The following MARCHF1 variants were observed in gnomAD, a reference collection of about 807,000 sequenced individuals.
MARCHF1 encodes E3 ubiquitin-protein ligase MARCHF1.
MARCHF1 carries 40 observed loss-of-function variants against 54.2 expected under a neutral mutation model. The ratio of observed to expected loss-of-function variants is 0.74; its 90% CI spans 0.57 to 0.96. MARCHF1 has a LOEUF of 0.96. Among genes scored for constraint, MARCHF1 ranks in the 40% least tolerant of loss-of-function variants. The pLI is 0.00. For synonymous variants in MARCHF1, 236 were observed against 236.3 expected (o/e 1.00, Z 0.01); for missense variants, 586 against 656.5 (o/e 0.89, Z 1.17).
Position 164,356,828 on chromosome 4 carries a change from T to G in MARCHF1, c.-323+27042A>C, listed in dbSNP as rs187066898. 1.7e-3 allele frequency among the ~76,000 whole-genome samples: 256 copies of G among 148,124 alleles called. 2 individuals carry two copies. The highest frequency in any genetic ancestry group is 2.4e-3 in the South Asian group (11 of 4,582). ...TTAACACTTTTGTCCATTGTATTAG[T>G]TCTCTATTACTGCACAAATCAGAAA... On this transcript the variant is annotated intron_variant, in intron 1 of 9. Coordinates refer to ENST00000514618, the MANE Select transcript of MARCHF1 (RefSeq NM_001394959.1).
At chr4:163,745,201 T>G (rs1746321959) in intron 4 of MARCHF1, among the ~76,000 whole-genome samples, 1 of 151,778 alleles carries the variant, frequency 6.6e-6, no homozygotes, top group African/African-American at 2.4e-5. Context: ...CAACCTCTGT[T>G]TTTTGGGTTC....
chr4:164,313,106 A>T (rs1286952357), intron 1 of MARCHF1, among the ~76,000 whole-genome samples: 1 of 151,236 alleles, frequency 6.6e-6, no homozygotes, highest in Non-Finnish European at 1.5e-5. Context: ...TGGGAAGCCA[A>T]GGTGGGCACA....
rs534984500 is a variant in MARCHF1 at position 163,968,195 on chromosome 4, T to G, written c.-39+20306A>C. On this transcript the variant is annotated intron_variant, in intron 3 of 9. Transcript: ENST00000514618. ...TATCCATCTCCGTGAGAACCTTGGT[T>G]TGCAGATAGCCTCTTGTTTGCTCAT... 1.1e-4 allele frequency among the ~76,000 whole-genome samples: 17 copies of G among 152,028 alleles called. No homozygotes were observed. The East Asian group carries it at 3.3e-3, about 29-fold the overall frequency.
chr4:163,628,970 A>T (rs143201452), intron 5 of MARCHF1, among the ~76,000 whole-genome samples: 3,173 of 152,340 alleles, frequency 0.021, 44 homozygotes, highest in Non-Finnish European at 0.033. Flanking sequence ...AAATGGCCAT[A>T]CTGCCCAAAG....
At chr4:163,574,743 T>C (rs1739978537) in intron 8 of MARCHF1, among the ~76,000 whole-genome samples, 1 of 152,090 alleles carries the variant, frequency 6.6e-6, no homozygotes, top group South Asian at 2.1e-4. Flanking sequence ...AGAAGTCAGG[T>C]AGTGTGATGC....
At position 163,856,573 on chromosome 4, in the gene MARCHF1, A is replaced by G. The variant is rs543036203; in HGVS notation, c.-38-2404T>C. On this transcript the variant is annotated intron_variant, in intron 3 of 9. Transcript: ENST00000514618. ...TGAAAACAATAAAAATGCCTGTGATAGTTGCATTTCTACATCTGGACATTC... is the reference window on the plus strand; with the variant it reads ...TGAAAACAATAAAAATGCCTGTGATGGTTGCATTTCTACATCTGGACATTC... Among the ~76,000 whole-genome samples the G allele has an allele frequency of 3.9e-4, 59 of 152,328 alleles. 1 individual carries two copies. In the South Asian group the frequency reaches 0.012, roughly 31 times the overall value.
intron 4 of MARCHF1, among the ~76,000 whole-genome samples, chr4:163,775,468 A>C (rs911188484): frequency 6.6e-6 from 1 of 152,084 alleles, no homozygotes; most frequent in African/African-American, 2.4e-5. Context: ...AGTTATTTTA[A>C]TATTGTTGAG....
At chr4:164,178,816 AT>A (rs1216423625) in intron 1 of MARCHF1, among the ~76,000 whole-genome samples, 1 of 152,196 alleles carries the variant, frequency 6.6e-6, no homozygotes, top group Admixed American at 6.5e-5. Context: ...GAGCTTAAAA[AT>A]AAAAATATAA....
At chr4:164,054,013 G>T (rs943357955) in intron 2 of MARCHF1, among the ~76,000 whole-genome samples, 8 of 151,914 alleles carry the variant, frequency 5.3e-5, no homozygotes, top group Non-Finnish European at 1.0e-4. Context: ...GAAAATTTTC[G>T]CAACCTACTC....
chr4:164,351,060 T>TA (rs1406243761), intron 1 of MARCHF1, among the ~76,000 whole-genome samples: 2 of 152,252 alleles, frequency 1.3e-5, no homozygotes, highest in Non-Finnish European at 2.9e-5. Context: ...CAGACCAGCT[T>TA]AAAAAACGGC....
intron 5 of MARCHF1, among the ~76,000 whole-genome samples, chr4:163,687,868 G>T (rs1386260012): frequency 1.3e-5 from 2 of 152,174 alleles, no homozygotes; most frequent in Admixed American, 6.5e-5. Flanking sequence ...AGCTTTGGCT[G>T]TAAATTTTAA....
chr4:164,362,558 T>C (rs1730753150), intron 1 of MARCHF1, among the ~76,000 whole-genome samples: 1 of 152,142 alleles, frequency 6.6e-6, no homozygotes, highest in Non-Finnish European at 1.5e-5. Context: ...AGCCACGTTT[T>C]ACTACCAAGA....
rs546799077 is a variant in MARCHF1 at position 163,955,333 on chromosome 4, G to C, written c.-39+33168C>G. ...AGCTCTCTCACATAATAGAGGATAG[G>C]ATCTGCTTTGAGGGAAAAAAAAAAC... On this transcript the variant is annotated intron_variant, in intron 3 of 9. Coordinates refer to ENST00000514618, the MANE Select transcript of MARCHF1 (RefSeq NM_001394959.1). Among the ~76,000 whole-genome samples the C allele has an allele frequency of 5.0e-4, 70 of 141,264 alleles. 1 individual carries two copies. The highest frequency in any genetic ancestry group is 1.8e-3 in the African/African-American group (69 of 37,644). The allele number at this position is 141,264 out of a possible 152,430, so 92.7% of individuals were successfully genotyped here. A position where few individuals can be genotyped will look rare whatever the true frequency, so the allele number is the denominator to read the frequency against.
At chr4:163,678,341 C>T (rs547092659) in intron 5 of MARCHF1, among the ~76,000 whole-genome samples, 2 of 152,308 alleles carry the variant, frequency 1.3e-5, no homozygotes, top group Admixed American at 1.3e-4. Flanking sequence ...TCTGTTCTGC[C>T]TCTTGCATAG....
At chr4:163,832,934 G>A (rs1749072999) in intron 4 of MARCHF1, among the ~76,000 whole-genome samples, 1 of 152,034 alleles carries the variant, frequency 6.6e-6, no homozygotes, top group South Asian at 2.1e-4. Context: ...CATTTTTTAA[G>A]GCTGCATAGT....
intron 5 of MARCHF1, among the ~76,000 whole-genome samples, chr4:163,659,207 T>G (rs1743257173): frequency 6.6e-6 from 1 of 152,098 alleles, no homozygotes; most frequent in East Asian, 1.9e-4. Context: ...TTCCTAAATC[T>G]AAGGATTCAT....
intron 2 of MARCHF1, among the ~76,000 whole-genome samples, chr4:164,088,001 A>G (rs1266697008): frequency 6.6e-6 from 1 of 152,182 alleles, no homozygotes; most frequent in African/African-American, 2.4e-5. Context: ...TTGAGATATG[A>G]CATAAAAATG....
rs554416400 is a variant in MARCHF1 at position 164,065,116 on chromosome 4, T to G, written c.-248+46472A>C. 4.6e-5 allele frequency among the ~76,000 whole-genome samples: 7 copies of G among 152,330 alleles called. No homozygotes were observed. In the South Asian group the frequency reaches 1.0e-3, roughly 23 times the overall value. On this transcript the variant is annotated intron_variant, in intron 2 of 9. Coordinates refer to ENST00000514618, the MANE Select transcript of MARCHF1 (RefSeq NM_001394959.1). ...GAATACTGACCTGAGGTTTTCTTTT[T>G]TTGTTGTATCTCTGCCTGGTTTTGG...
chr4:164,160,191 T>A (rs1304760827), intron 1 of MARCHF1, among the ~76,000 whole-genome samples: 1 of 152,200 alleles, frequency 6.6e-6, no homozygotes, highest in Admixed American at 6.6e-5. Context: ...GATGGGGATA[T>A]GTTCTGAGAA....
Sources: allele counts gnomAD v4.1 joint callset (sites outside exome capture counted in the v4.1 genomes callset), GRCh38; gene constraint gnomAD v4.1.1; transcripts MANE v1.5; gene names NCBI Gene and HGNC (gene_info 2026-07-23, HGNC 2026-07-21).